The following APOBEC3D variants were observed in gnomAD, a reference collection of about 807,000 sequenced individuals.
APOBEC3D encodes the protein DNA dC->dU-editing enzyme APOBEC-3D.
APOBEC3D carries 37 observed loss-of-function variants against 45.6 expected under a neutral mutation model. That is an observed-to-expected ratio of 0.81 (90% CI 0.62 to 1.07). The LOEUF is 1.07. Ranked by LOEUF, APOBEC3D falls within the 50% of genes least tolerant of loss-of-function variation. The pLI is 0.00. For synonymous variants in APOBEC3D, 175 were observed against 180.7 expected, an observed-to-expected ratio of 0.97 and a Z score of 0.25; for missense variants, 496 against 495.3, an observed-to-expected ratio of 1.00 and a Z score of -0.01.
At chr22:39,021,599 G>C in intron 1 of APOBEC3D, 63 bp downstream of exon 1, 2 of 1,611,046 alleles carry the variant, frequency 1.2e-6, no homozygotes, top group Non-Finnish European at 1.7e-6. Flanking sequence ...GTCCTGCTGG[G>C]CCTCAGCCCT....
At chr22:39,030,351 G>A (rs1284963369) in intron 5 of APOBEC3D, among the ~76,000 whole-genome samples, 21 of 147,678 alleles carry the variant, frequency 1.4e-4, no homozygotes, top group Non-Finnish European at 2.7e-4. Context: ...GGAGGGAGCC[G>A]TCTGTGTGCT....
intron 4 of APOBEC3D, among the ~76,000 whole-genome samples, chr22:39,027,138 C>G (rs549114160): frequency 5.5e-4 from 84 of 152,208 alleles, no homozygotes; most frequent in Non-Finnish European, 9.6e-4. Context: ...ACCGGAGGAG[C>G]AAACTGCAAG....
Position 39,021,396 on chromosome 22 carries a change from G to C in APOBEC3D, c.-124G>C, listed in dbSNP as rs558731945. The C allele has an allele frequency of 1.4e-6, 2 of 1,415,250 alleles. No individual in the cohort carries two copies. Among genetic ancestry groups the C allele is most frequent in the Admixed American group, 1.9e-5 (1 of 53,938 alleles). 87.7% of individuals were successfully genotyped at this position (1,415,250 alleles called of 1,614,324 possible). A position where few individuals can be genotyped will look rare whatever the true frequency, so the allele number is the denominator to read the frequency against. On this transcript the variant is annotated 5_prime_UTR_variant, in exon 1 of 7. Transcript: ENST00000216099. ...GCTGGGATTACAGGCGTGAGCCACCGTGCCCGGCCGGGAGGTCACTTTAAG... is the reference window on the plus strand; with the variant it reads ...GCTGGGATTACAGGCGTGAGCCACCCTGCCCGGCCGGGAGGTCACTTTAAG...
In APOBEC3D at chr22:39,029,435, G is replaced by C. The variant is rs767357290; in HGVS notation, c.678G>C (p.Arg226=). The part of the protein sequence containing the change: ...HFKNLLKACG[R]NESWLCFTME... ...AAAACCTACTGAAAGCCTGTGGTCG[G>C]AACGAAAGCTGGCTGTGCTTCACCA... The change falls in exon 5 of 7, where the codon CGG becomes CGC. Residue 226 remains arginine (R), a synonymous_variant. Coordinates refer to ENST00000216099, the MANE Select transcript of APOBEC3D (RefSeq NM_152426.4). 1.2e-6 allele frequency: 2 copies of C among 1,614,164 alleles called. No individual in the cohort carries two copies. The highest frequency in any genetic ancestry group is 1.1e-5 in the South Asian group (1 of 91,080).
At chr22:39,024,197 T>C (rs1235444751) in intron 2 of APOBEC3D, among the ~76,000 whole-genome samples, 2 of 152,272 alleles carry the variant, frequency 1.3e-5, no homozygotes, top group Admixed American at 6.5e-5. Flanking sequence ...TTTCTTTTTC[T>C]TCTCACACTG....
intron 5 of APOBEC3D, among the ~76,000 whole-genome samples, chr22:39,030,330 A>T (rs1170363309): frequency 6.8e-6 from 1 of 146,236 alleles, no homozygotes; most frequent in African/African-American, 2.5e-5. Flanking sequence ...ATTTTTTCAG[A>T]GTGTGTTTGG....
intron 6 of APOBEC3D, 57 bp from the exon 7 acceptor site, chr22:39,032,141 A>G (rs1002959925): frequency 1.1e-4 from 181 of 1,599,752 alleles, no homozygotes; most frequent in Non-Finnish European, 1.5e-4. Context: ...GGGAGGGCCC[A>G]GGGCCGGGAG....
intron 6 of APOBEC3D, 41 bp from the exon 7 acceptor site, chr22:39,032,157 C>G: frequency 6.2e-7 from 1 of 1,607,124 alleles, no homozygotes; most frequent in South Asian, 1.1e-5. Context: ...GGGAGAGAGG[C>G]TTGCTGGGCC....
chr22:39,022,746 T>C, intron 1 of APOBEC3D, 76 bp from the exon 2 acceptor site: 1 of 1,517,700 alleles, frequency 6.6e-7, no homozygotes, highest in Non-Finnish European at 8.8e-7. Context: ...TCCCGGGAGC[T>C]GTGTTCAGTG....
chr22:39,025,420 C>T (rs1352767630), intron 3 of APOBEC3D, 71 bp downstream of exon 3: 1 of 1,612,768 alleles, frequency 6.2e-7, no homozygotes, highest in Non-Finnish European at 8.5e-7. Flanking sequence ...TCTGCAATGC[C>T]ATGGCTGGGG....
chr22:39,029,640 TC>T (rs1926011857), intron 5 of APOBEC3D, 121 bp downstream of exon 5: 11 of 1,143,588 alleles, frequency 9.6e-6, no homozygotes, highest in Admixed American at 3.7e-5. Flanking sequence ...TACATTTCTT[TC>T]TTTTTTTTTT....
Position 39,022,981 on chromosome 22 carries a change from A to T in APOBEC3D, c.177A>T (p.Val59=), listed in dbSNP as rs966797213. Residue 59 remains valine (V), a synonymous_variant, in exon 2 of 7, where the codon GTA becomes GTT. Transcript: ENST00000216099. ...ACACAGGGGTCTTTCGAGGCCCGGT[A>T]CTACCCAAACGTCAGTCGAATCACA... ...LWDTGVFRGP[V]LPKRQSNHRQ... is the part of the protein sequence containing the mutation. 19 of 1,612,262 alleles carry T rather than the reference A, an allele frequency of 1.2e-5. No homozygotes were observed. In the Middle Eastern group the frequency reaches 2.1e-3, roughly 182 times the overall value.
chr22:39,027,804 A>C (rs530717406), intron 4 of APOBEC3D, among the ~76,000 whole-genome samples: 2 of 151,836 alleles, frequency 1.3e-5, no homozygotes, highest in African/African-American at 2.4e-5. Flanking sequence ...TTGCCCTGCT[A>C]TGTGGTCGCC....
chr22:39,031,366 G>C (rs1020641930), intron 5 of APOBEC3D, among the ~76,000 whole-genome samples: 30 of 152,248 alleles, frequency 2.0e-4, no homozygotes, highest in African/African-American at 7.0e-4. Context: ...CCAAGATTTC[G>C]AGATCAGCCT....
chr22:39,032,072 C>G (rs1271902044), intron 6 of APOBEC3D, 99 bp downstream of exon 6: 25 of 1,586,998 alleles, frequency 1.6e-5, no homozygotes, highest in Non-Finnish European at 2.0e-5. Context: ...CCCCGGGAAG[C>G]CTGCAGGGAT....
intron 1 of APOBEC3D, 130 bp downstream of exon 1, chr22:39,021,666 G>GC: frequency 7.7e-7 from 1 of 1,300,438 alleles, no homozygotes; most frequent in South Asian, 1.2e-5. Flanking sequence ...CTTCCCTGCC[G>GC]CCCCCACTCC....
intron 4 of APOBEC3D, among the ~76,000 whole-genome samples, chr22:39,028,792 G>T (rs532393125): frequency 7.4e-4 from 113 of 152,122 alleles, no homozygotes; most frequent in Non-Finnish European, 1.4e-3. Context: ...AAAATTAGAC[G>T]GGCGTGGTGG....
In APOBEC3D at chr22:39,025,291, G is replaced by T; in HGVS notation, c.432G>T (p.Arg144=). Residue 144 remains arginine (R), a synonymous_variant, in exon 3 of 7, where the codon CGG becomes CGT. Coordinates refer to ENST00000216099, the MANE Select transcript of APOBEC3D (RefSeq NM_152426.4). ...RLYYYRDRDW[R]WVLLRLHKAG... Reference sequence around the variant, plus strand: ...ACTACTACCGGGATAGAGATTGGCGGTGGGTGCTCCTCAGGCTGCATAAGG... The same window carrying T: ...ACTACTACCGGGATAGAGATTGGCGTTGGGTGCTCCTCAGGCTGCATAAGG... 1 of 1,614,160 alleles carries T rather than the reference G, an allele frequency of 6.2e-7. No homozygotes were observed. The highest frequency in any genetic ancestry group is 8.5e-7 in the Non-Finnish European group (1 of 1,180,016).
At position 39,025,285 on chromosome 22, in the gene APOBEC3D, T is replaced by C. The variant is rs1296083697; in HGVS notation, c.426T>C (p.Asp142=). The part of the protein sequence containing the change: ...AARLYYYRDR[D]WRWVLLRLHK... The stretch of plus-strand genomic sequence containing the variant: ...GCCTCTACTACTACCGGGATAGAGA[T>C]TGGCGGTGGGTGCTCCTCAGGCTGC... Residue 142 remains aspartate, a synonymous_variant, in exon 3 of 7, where the codon GAT becomes GAC. Coordinates refer to ENST00000216099, the MANE Select transcript of APOBEC3D (RefSeq NM_152426.4). The C allele has an allele frequency of 3.1e-6, 5 of 1,613,932 alleles. No individual in the cohort carries two copies. The highest frequency in any genetic ancestry group is 3.4e-6 in the Non-Finnish European group (4 of 1,179,990).
Sources: allele counts gnomAD v4.1 joint callset (sites outside exome capture counted in the v4.1 genomes callset), GRCh38; gene constraint gnomAD v4.1.1; transcripts MANE v1.5; gene names NCBI Gene and HGNC (gene_info 2026-07-23, HGNC 2026-07-21).